Variants in KCNAB2 observed in about 807,000 individuals in gnomAD.
The protein encoded by KCNAB2 is voltage-gated potassium channel subunit beta-2.
Under a neutral mutation model 63.6 loss-of-function variants are expected in KCNAB2, and 29 were observed. The ratio of observed to expected loss-of-function variants is 0.46; its 90% CI spans 0.34 to 0.62. The LOEUF is 0.62. Ranked by LOEUF, KCNAB2 falls within the 20% of genes least tolerant of loss-of-function variation. The pLI, the probability that KCNAB2 is intolerant of heterozygous loss-of-function variation, is 0.01. For synonymous variants in KCNAB2, 222 were observed against 224.2 expected, an observed-to-expected ratio of 0.99 and a Z score of 0.09; for missense variants, 359 against 563.9, an observed-to-expected ratio of 0.64 and a Z score of 3.68.
Position 6,099,616 on chromosome 1 carries a change from C to T in KCNAB2, c.*1042C>T. 1.3e-6 allele frequency: 1 copy of T among 798,026 alleles called. No homozygotes were observed. 49.4% of individuals were successfully genotyped at this position (798,026 alleles called of 1,614,324 possible). On this transcript the variant is annotated 3_prime_UTR_variant, in exon 16 of 16. Transcript: ENST00000378083. ...CGCCAGCCCAGGCCGCTGCTCTGCA[C>T]CGAGCTGGTGGGCTTGGGTTTTGTG...
At chr1:6,085,140 A>G (rs1049370077) in intron 5 of KCNAB2, 64 bp from the exon 6 acceptor site, 4 of 1,568,314 alleles carry the variant, frequency 2.6e-6, no homozygotes, top group Admixed American at 3.3e-5. Flanking sequence ...GCCAGTGGCC[A>G]CAGTGGGTCT....
At chr1:6,006,980 T>C (rs1038553608) in intron 1 of KCNAB2, among the ~76,000 whole-genome samples, 7 of 152,170 alleles carry the variant, frequency 4.6e-5, no homozygotes, top group Non-Finnish European at 7.4e-5. Context: ...CGCCTTATTC[T>C]GTGCTGGGCA....
At chr1:6,066,154 C>T (rs548863712) in intron 2 of KCNAB2, among the ~76,000 whole-genome samples, 291 of 152,330 alleles carry the variant, frequency 1.9e-3, no homozygotes, top group African/African-American at 6.3e-3. Flanking sequence ...GCAGTCCCAG[C>T]CTGGGCTCCC....
intron 7 of KCNAB2, among the ~76,000 whole-genome samples, chr1:6,088,629 T>C (rs1664902285): frequency 6.6e-6 from 1 of 151,926 alleles, no homozygotes; most frequent in African/African-American, 2.4e-5. Context: ...GTGATCCTCC[T>C]GCCTTAGCCT....
Position 6,099,888 on chromosome 1 carries a change from G to C in KCNAB2, c.*1314G>C. On this transcript the variant is annotated 3_prime_UTR_variant, in exon 16 of 16. Transcript: ENST00000378083. ...CCGTGCAGCTTGGGCCGGAGGGCAAGGGATGCCAGTAAGTCTGCAGGTGCG... is the reference window on the plus strand; with the variant it reads ...CCGTGCAGCTTGGGCCGGAGGGCAACGGATGCCAGTAAGTCTGCAGGTGCG... 1 of 1,550,316 alleles carries C rather than the reference G, an allele frequency of 6.5e-7. No individual in the cohort carries two copies. The highest frequency in any genetic ancestry group is 8.7e-7 in the Non-Finnish European group (1 of 1,146,856).
chr1:6,046,769 G>A (rs1226690170), intron 1 of KCNAB2, among the ~76,000 whole-genome samples: 1 of 152,220 alleles, frequency 6.6e-6, no homozygotes, highest in East Asian at 1.9e-4. Context: ...AACTCTGGCT[G>A]GGCTCTCTGC....
intron 2 of KCNAB2, among the ~76,000 whole-genome samples, chr1:6,061,290 G>A (rs1336102669): frequency 1.3e-5 from 2 of 152,218 alleles, no homozygotes; most frequent in Non-Finnish European, 2.9e-5. Flanking sequence ...AACCAGCCAC[G>A]CTCCATGCCT....
In KCNAB2 at chr1:6,079,921, A is replaced by C. The variant is rs149412664; in HGVS notation, c.301-2274A>C. ...TCTTTGATAAATGCAGTAATGTTTTAATTAAACAAAAAGAATGAAAGGGAT... is the reference window on the plus strand; with the variant it reads ...TCTTTGATAAATGCAGTAATGTTTTCATTAAACAAAAAGAATGAAAGGGAT... On this transcript the variant is annotated intron_variant, in intron 4 of 15. Coordinates refer to ENST00000378083, the MANE Select transcript of KCNAB2 (RefSeq NM_001199862.2). 7.9e-5 allele frequency among the ~76,000 whole-genome samples: 12 copies of C among 152,362 alleles called. No homozygotes were observed. In the East Asian group the frequency reaches 2.3e-3, roughly 29 times the overall value.
intron 2 of KCNAB2, among the ~76,000 whole-genome samples, chr1:6,064,986 G>C (rs776239361): frequency 1.1e-4 from 16 of 152,188 alleles, no homozygotes; most frequent in Non-Finnish European, 2.2e-4. Flanking sequence ...GAATCTCTCT[G>C]TCCCTTTGAC....
chr1:6,067,237 A>C (rs1662836427), intron 2 of KCNAB2, among the ~76,000 whole-genome samples: 2 of 152,324 alleles, frequency 1.3e-5, no homozygotes, highest in African/African-American at 4.8e-5. Flanking sequence ...AAGCTAAATT[A>C]GGTCTCTGGT....
chr1:6,067,099 C>T (rs773266354), intron 2 of KCNAB2, among the ~76,000 whole-genome samples: 5 of 152,214 alleles, frequency 3.3e-5, no homozygotes, highest in Non-Finnish European at 7.3e-5. Flanking sequence ...GGTTCTGGGG[C>T]ACCCTTCTGG....
Position 6,091,266 on chromosome 1 carries a change from A to G in KCNAB2, c.605A>G (p.Asp202Gly). 6.5e-7 allele frequency: 1 copy of G among 1,532,724 alleles called. No individual in the cohort carries two copies. Among genetic ancestry groups the G allele is most frequent in the Non-Finnish European group, 8.7e-7 (1 of 1,143,906 alleles). The allele number at this position is 1,532,724 out of a possible 1,614,324, so 94.9% of individuals were successfully genotyped here. Residue 202 changes from aspartate (D) to glycine (G), a missense_variant, in exon 10 of 16, where the codon GAC (aspartate) becomes GGC (glycine). Coordinates refer to ENST00000378083, the MANE Select transcript of KCNAB2 (RefSeq NM_001199862.2). ...RPDPNTPMEG[D>G]PFSSSKSRTF... ...TAAATCTTTCTTCTATCACCAGGGG[A>G]CCCATTTAGTTCCTCCAAGTCAAGG...
chr1:5,999,447 T>G (rs748383923), intron 1 of KCNAB2, among the ~76,000 whole-genome samples: 6 of 152,186 alleles, frequency 3.9e-5, no homozygotes, highest in Non-Finnish European at 7.3e-5. Context: ...CCTCTACTTC[T>G]TAAGGAAGCA....
rs1189875089 is a variant in KCNAB2 at position 6,005,899 on chromosome 1, ACCCC to A, written c.-53+13112_-53+13115del. 1.7e-3 allele frequency among the ~76,000 whole-genome samples: 238 copies of A among 140,906 alleles called. 8 individuals carry two copies. The highest frequency in any genetic ancestry group is 2.8e-3 in the Non-Finnish European group (187 of 65,654). The allele number at this position is 140,906 out of a possible 152,430, so 92.4% of individuals were successfully genotyped here. On this transcript the variant is annotated intron_variant, in intron 1 of 16. Coordinates refer to the KCNAB2 transcript ENST00000341524. ...TGATGTTCTGATCCATTCCACCCTC[ACCCC>A]TCAGCTCAGCTCCCACATCCCCCCA...
intron 1 of KCNAB2, among the ~76,000 whole-genome samples, chr1:6,005,646 A>G (rs1405148371): frequency 6.6e-6 from 1 of 151,894 alleles, no homozygotes; most frequent in Non-Finnish European, 1.5e-5. Flanking sequence ...CTCCTGGCTC[A>G]GAGAGATGGG....
chr1:6,033,829 G>A (rs1032898547), upstream of KCNAB2, among the ~76,000 whole-genome samples: 4 of 152,288 alleles, frequency 2.6e-5, no homozygotes, highest in South Asian at 2.1e-4. Flanking sequence ...TCATTGCTCC[G>A]TGAGAAGTTG....
chr1:6,010,815 G>A (rs1658104130), intron 1 of KCNAB2, among the ~76,000 whole-genome samples: 1 of 152,190 alleles, frequency 6.6e-6, no homozygotes, highest in Non-Finnish European at 1.5e-5. Flanking sequence ...GCCCTCGAGT[G>A]TTGAAGATTT....
chr1:6,063,900 C>T (rs528529539), intron 2 of KCNAB2, among the ~76,000 whole-genome samples: 38 of 152,218 alleles, frequency 2.5e-4, no homozygotes, highest in African/African-American at 7.2e-4. Context: ...ACATAGCTAG[C>T]GGGGGGATTG....
chr1:6,056,972 A>G (rs963331264), intron 2 of KCNAB2, among the ~76,000 whole-genome samples: 1 of 151,806 alleles, frequency 6.6e-6, no homozygotes, highest in African/African-American at 2.4e-5. Context: ...CTCTTTGCCC[A>G]TCTGCACTGC....
Sources: allele counts gnomAD v4.1 joint callset (sites outside exome capture counted in the v4.1 genomes callset), GRCh38; gene constraint gnomAD v4.1.1; transcripts MANE v1.5; gene names NCBI Gene and HGNC (gene_info 2026-07-23, HGNC 2026-07-21).